PACRG: variants seen among roughly 807,000 people sequenced by gnomAD.
PACRG encodes parkin coregulated gene protein.
Under a neutral mutation model 29.7 loss-of-function variants are expected in PACRG, and 29 were observed. The ratio of observed to expected loss-of-function variants is 0.98; its 90% confidence interval spans 0.73 to 1.33. The LOEUF (loss-of-function observed/expected upper bound fraction) is 1.33. PACRG is among the 40% of genes most tolerant of loss of function. The probability of loss-of-function intolerance (pLI) is 0.00; values close to 1 mark genes in which losing one functional copy is unlikely to be tolerated. For missense variants in PACRG, 279 were observed against 316.2 expected (o/e 0.88, Z 0.89); for synonymous variants, 116 against 118.7 (o/e 0.98, Z 0.15).
chr6:162,792,333 G>A (rs774347828), intron 1 of PACRG, among the ~76,000 whole-genome samples: 1 of 152,082 alleles, frequency 6.6e-6, no homozygotes, highest in Non-Finnish European at 1.5e-5. Context: ...GGGAAGAGAA[G>A]GGAAATAATT....
At chr6:163,232,380 C>T (rs1352634113) in intron 4 of PACRG, among the ~76,000 whole-genome samples, 1 of 152,186 alleles carries the variant, frequency 6.6e-6, no homozygotes, top group Non-Finnish European at 1.5e-5. Flanking sequence ...CTCTTAGCTC[C>T]AGCCTGCGTG....
intron 4 of PACRG, among the ~76,000 whole-genome samples, chr6:163,279,064 A>T (rs2128183138): frequency 6.6e-6 from 1 of 152,278 alleles, no homozygotes; most frequent in Middle Eastern, 3.4e-3. Context: ...GGTTAGGTGT[A>T]TTCCTAAGTA....
At chr6:162,957,399 A>G in intron 2 of PACRG, 2 of 581,402 alleles carry the variant, frequency 3.4e-6, no homozygotes, top group South Asian at 2.0e-5. Flanking sequence ...TAAGAACTTT[A>G]GGTCTCACAG....
intron 4 of PACRG, among the ~76,000 whole-genome samples, chr6:163,273,445 C>A (rs141799886): frequency 1.3e-5 from 2 of 152,042 alleles, no homozygotes; most frequent in Non-Finnish European, 2.9e-5. Context: ...CTGGACCTAG[C>A]GACTTTTTCT....
At chr6:163,267,041 G>C (rs900809570) in intron 4 of PACRG, among the ~76,000 whole-genome samples, 2 of 152,152 alleles carry the variant, frequency 1.3e-5, no homozygotes, top group Non-Finnish European at 2.9e-5. Flanking sequence ...AAAGGCAGAG[G>C]GTACTAAAGA....
chr6:162,902,229 G>A (rs1174798641), intron 2 of PACRG, among the ~76,000 whole-genome samples: 3 of 152,152 alleles, frequency 2.0e-5, no homozygotes, highest in African/African-American at 7.2e-5. Context: ...TGCATGATCA[G>A]TGTTTTACAT....
intron 2 of PACRG, among the ~76,000 whole-genome samples, chr6:162,919,986 C>A (rs1796954882): frequency 6.6e-6 from 1 of 152,068 alleles, no homozygotes; most frequent in South Asian, 2.1e-4. Flanking sequence ...ACAGTAGGTC[C>A]ACTGACCCCC....
At chr6:162,822,294 C>T (rs1787909699) in intron 2 of PACRG, among the ~76,000 whole-genome samples, 1 of 152,186 alleles carries the variant, frequency 6.6e-6, no homozygotes, top group Admixed American at 6.5e-5. Flanking sequence ...AGCAGGGATG[C>T]ACATACATGG....
At chr6:163,035,812 C>CAAA (rs1156795173) in intron 2 of PACRG, among the ~76,000 whole-genome samples, 124 of 63,684 alleles carry the variant, frequency 1.9e-3, no homozygotes, top group East Asian at 6.7e-3. Flanking sequence ...GACTCTGTCT[C>CAAA]AAAAAAAAAA....
chr6:163,291,527 C>G (rs1380409498), intron 4 of PACRG, among the ~76,000 whole-genome samples: 2 of 152,274 alleles, frequency 1.3e-5, no homozygotes, highest in Non-Finnish European at 2.9e-5. Context: ...GGGCCCGCCC[C>G]GTTTCCTCAG....
rs545126568 is a variant in PACRG, at chr6:163,159,990, C to A, written c.613+70582C>A. On this transcript the variant is annotated intron_variant, in intron 4 of 4. Coordinates refer to ENST00000366888, the MANE Select transcript of PACRG (RefSeq NM_001080379.2). ...CCTGCTCCGACAGAGGCTGGCTTTC[C>A]CCATCAGGTGTTGGTTAGCACTTCT... Among the ~76,000 whole-genome samples, 36 of 152,250 alleles carry A rather than the reference C, an allele frequency of 2.4e-4. No individual in the cohort carries two copies. The South Asian group carries it at 2.7e-3, about 11-fold the overall frequency.
At chr6:162,755,281 T>A (rs1408206425) in intron 1 of PACRG, among the ~76,000 whole-genome samples, 1 of 152,144 alleles carries the variant, frequency 6.6e-6, no homozygotes, top group Non-Finnish European at 1.5e-5. Flanking sequence ...AGTTTCTAAT[T>A]TGTTTATTAT....
At chr6:162,968,450 G>A (rs554513316) in intron 2 of PACRG, among the ~76,000 whole-genome samples, 3 of 152,242 alleles carry the variant, frequency 2.0e-5, no homozygotes, top group South Asian at 2.1e-4. Flanking sequence ...TGGCTAGATC[G>A]TGCAATCCTT....
Position 163,062,118 on chromosome 6 carries a change from T to TC in PACRG, c.292-31dup, listed in dbSNP as rs1562878389. 3 of 1,609,226 alleles carry TC rather than the reference T, an allele frequency of 1.9e-6. No individual in the cohort carries two copies. In the South Asian group the frequency reaches 3.3e-5, roughly 18 times the overall value. ...GCCGTGCTCTGCCCGAATGCTGTTT[T>TC]CACATGGCGTCTCTTCTTTCTTTAC... On this transcript the variant is annotated intron_variant, in intron 2 of 4. Coordinates refer to ENST00000366888, the MANE Select transcript of PACRG (RefSeq NM_001080379.2).
intron 2 of PACRG, among the ~76,000 whole-genome samples, chr6:163,057,118 A>C (rs1021698433): frequency 1.3e-5 from 2 of 152,334 alleles, no homozygotes; most frequent in Non-Finnish European, 2.9e-5. Flanking sequence ...ACAACAAAAA[A>C]GTACCTATTC....
intron 4 of PACRG, among the ~76,000 whole-genome samples, chr6:163,218,284 A>ATGCTGAATTCTGGCTG (rs1781442867): frequency 6.6e-6 from 1 of 152,232 alleles, no homozygotes; most frequent in African/African-American, 2.4e-5. Flanking sequence ...ACACAGATAG[A>ATGCTGAATTCTGGCTG]TGCTGAATTC....
chr6:162,830,913 T>G lies in PACRG; in HGVS notation c.291+16632T>G, dbSNP rs77353432. On this transcript the variant is annotated intron_variant, in intron 2 of 4. Coordinates refer to ENST00000366888, the MANE Select transcript of PACRG (RefSeq NM_001080379.2). Reference sequence around the variant, plus strand: ...TTCTCAGCTCTCCTTTATTTAGTCATGAATTTACTCATTTATTCAAGAAAC... The same window carrying G: ...TTCTCAGCTCTCCTTTATTTAGTCAGGAATTTACTCATTTATTCAAGAAAC... 3.5e-3 allele frequency among the ~76,000 whole-genome samples: 536 copies of G among 152,338 alleles called. 3 individuals carry two copies. Among genetic ancestry groups the G allele is most frequent in the African/African-American group, 0.012 (498 of 41,574 alleles).
At chr6:162,767,688 TAAAGA>T (rs1341966658) in intron 1 of PACRG, among the ~76,000 whole-genome samples, 2 of 151,946 alleles carry the variant, frequency 1.3e-5, no homozygotes, top group Non-Finnish European at 2.9e-5. Context: ...GCCTTATCAG[TAAAGA>T]ATTTTGTTTT....
intron 2 of PACRG, among the ~76,000 whole-genome samples, chr6:163,032,727 A>G (rs1032681324): frequency 2.0e-5 from 3 of 152,214 alleles, no homozygotes; most frequent in Admixed American, 6.5e-5. Flanking sequence ...AAATAAGCCA[A>G]ATGTCACTGT....
Sources: allele counts gnomAD v4.1 joint callset (sites outside exome capture counted in the v4.1 genomes callset), GRCh38; gene constraint gnomAD v4.1.1; transcripts MANE v1.5; gene names NCBI Gene and HGNC (gene_info 2026-07-23, HGNC 2026-07-21).